The following CNOT6L variants were observed in gnomAD, a reference collection of about 807,000 sequenced individuals.
CNOT6L encodes the protein CCR4-NOT transcription complex subunit 6 like.
A neutral mutation model predicts 64.0 loss-of-function variants in CNOT6L; 7 were observed. The observed-to-expected ratio is 0.11, with a 90% CI of 0.06 to 0.21. CNOT6L has a LOEUF of 0.21. CNOT6L is among the 10% of genes least tolerant of loss of function. The pLI is 1.00. For synonymous variants in CNOT6L, 193 were observed against 243.4 expected (o/e 0.79, Z 1.93); for missense variants, 245 against 669.0 (o/e 0.37, Z 6.99).
At position 77,804,836 on chromosome 4, in the gene CNOT6L, G is replaced by GA. The variant is rs919869406; in HGVS notation, c.5+14467dup. The stretch of plus-strand genomic sequence containing the variant: ...TTAATGAAAAAAGATGTTTTCAAAT[G>GA]AAAAAAAAGCAAATTTTTAAAAAAG... On this transcript the variant is annotated intron_variant, in intron 1 of 11. Coordinates refer to ENST00000504123, the MANE Select transcript of CNOT6L (RefSeq NM_144571.3). 4.6e-3 allele frequency among the ~76,000 whole-genome samples: 697 copies of GA among 151,646 alleles called. 9 individuals carry two copies. Among genetic ancestry groups the GA allele is most frequent in the Admixed American group, 4.1e-3 (63 of 15,204 alleles).
At chr4:77,812,989 A>T (rs779227654) in intron 1 of CNOT6L, among the ~76,000 whole-genome samples, 1 of 152,256 alleles carries the variant, frequency 6.6e-6, no homozygotes, top group Non-Finnish European at 1.5e-5. Context: ...TACTAGTATA[A>T]GGATAAACAT....
chr4:77,766,365 C>T (rs1210498500), intron 4 of CNOT6L, among the ~76,000 whole-genome samples: 1 of 152,020 alleles, frequency 6.6e-6, no homozygotes, highest in Non-Finnish European at 1.5e-5. Flanking sequence ...ATCTAAAAAA[C>T]TTTTTTAACA....
chr4:77,807,755 G>A (rs1278725992), intron 1 of CNOT6L, among the ~76,000 whole-genome samples: 1 of 152,162 alleles, frequency 6.6e-6, no homozygotes, highest in African/African-American at 2.4e-5. Flanking sequence ...TAAGAAATTT[G>A]CATCTTATTT....
intron 1 of CNOT6L, 88 bp downstream of exon 1, chr4:77,819,216 A>G: frequency 1.2e-6 from 2 of 1,609,400 alleles, no homozygotes; most frequent in Admixed American, 1.7e-5. Context: ...CCACACGCAC[A>G]TTTGTCCCTC....
At chr4:77,764,862 C>T (rs927222997) in intron 4 of CNOT6L, among the ~76,000 whole-genome samples, 2 of 152,156 alleles carry the variant, frequency 1.3e-5, no homozygotes, top group Non-Finnish European at 2.9e-5. Flanking sequence ...TGTCCCTCTG[C>T]AACCCTTAGG....
chr4:77,757,695 C>T (rs183115945), intron 4 of CNOT6L, among the ~76,000 whole-genome samples: 1 of 152,178 alleles, frequency 6.6e-6, no homozygotes, highest in African/African-American at 2.4e-5. Context: ...AACACATACC[C>T]ACCAGCACAG....
intron 1 of CNOT6L, among the ~76,000 whole-genome samples, chr4:77,799,926 C>G (rs1731320750): frequency 6.6e-6 from 1 of 151,870 alleles, no homozygotes; most frequent in South Asian, 2.1e-4. Context: ...CATCTTTTTC[C>G]TTTTCCTACC....
chr4:77,811,182 A>G (rs543572991), intron 1 of CNOT6L, among the ~76,000 whole-genome samples: 8 of 152,332 alleles, frequency 5.3e-5, no homozygotes, highest in African/African-American at 1.4e-4. Flanking sequence ...TGCTCAAAAA[A>G]TCTTAATTAT....
intron 4 of CNOT6L, among the ~76,000 whole-genome samples, chr4:77,772,871 C>G (rs1286862588): frequency 1.3e-5 from 2 of 152,090 alleles, no homozygotes; most frequent in African/African-American, 4.8e-5. Flanking sequence ...TGCAGTGAGC[C>G]AAGATTGCGC....
chr4:77,766,174 A>T (rs1726791554), intron 4 of CNOT6L, among the ~76,000 whole-genome samples: 1 of 152,194 alleles, frequency 6.6e-6, no homozygotes, highest in African/African-American at 2.4e-5. Context: ...TCAGCAATGC[A>T]AATTTGTTTA....
In CNOT6L at chr4:77,719,149, T is replaced by A. The variant is rs1156966768; in HGVS notation, c.*1282A>T. 1 of 152,634 alleles carries A rather than the reference T, an allele frequency of 6.6e-6. No homozygotes were observed. Among genetic ancestry groups the A allele is most frequent in the Non-Finnish European group, 1.5e-5 (1 of 68,036 alleles). 9.5% of individuals were successfully genotyped at this position (152,634 alleles called of 1,614,324 possible). On this transcript the variant is annotated 3_prime_UTR_variant, in exon 12 of 12. Coordinates refer to ENST00000504123, the MANE Select transcript of CNOT6L (RefSeq NM_144571.3). ...ACCAATTTTTCCCCAGAAAACAGTA[T>A]TCTGTTCACTGCCTCTTGAGTCACA...
At chr4:77,806,471 A>G (rs1732234787) in intron 1 of CNOT6L, among the ~76,000 whole-genome samples, 1 of 152,146 alleles carries the variant, frequency 6.6e-6, no homozygotes, top group Non-Finnish European at 1.5e-5. Context: ...ACCTGTTCAA[A>G]ATCATTCCAT....
rs573433292 is a variant in CNOT6L at position 77,812,227 on chromosome 4, G to A, written c.5+7077C>T. ...TGGGAGGCTGAGGCAGGTGGATCAC[G>A]AGGTCGGCAAGACCAGCCTGGCCAA... On this transcript the variant is annotated intron_variant, in intron 1 of 11. Transcript: ENST00000504123. Among the ~76,000 whole-genome samples the A allele has an allele frequency of 1.2e-4, 18 of 151,930 alleles. No individual in the cohort carries two copies. In the South Asian group the frequency reaches 2.9e-3, roughly 25 times the overall value.
chr4:77,814,751 C>A (rs1733367222), intron 1 of CNOT6L, among the ~76,000 whole-genome samples: 1 of 152,096 alleles, frequency 6.6e-6, no homozygotes. Flanking sequence ...GATCCCTAAC[C>A]AAACTCTTAG....
chr4:77,800,719 T>C (rs1056163240), intron 1 of CNOT6L, among the ~76,000 whole-genome samples: 4 of 152,280 alleles, frequency 2.6e-5, no homozygotes. Context: ...GTATAAGCCA[T>C]ATCTGAAATC....
intron 1 of CNOT6L, among the ~76,000 whole-genome samples, chr4:77,791,015 T>C (rs989043709): frequency 6.6e-6 from 1 of 151,826 alleles, no homozygotes; most frequent in Non-Finnish European, 1.5e-5. Context: ...CGGTGGCTCA[T>C]ACCTGTAATC....
rs1439090263 is a variant in CNOT6L at position 77,744,866 on chromosome 4, G to A, written c.569C>T (p.Thr190Met). 3.8e-6 allele frequency: 6 copies of A among 1,595,410 alleles called. No homozygotes were observed. Among genetic ancestry groups the A allele is most frequent in the East Asian group, 2.2e-5 (1 of 44,564 alleles). Residue 190 changes from threonine (T) to methionine (M), a missense_variant, in exon 7 of 12, where the codon ACG becomes ATG. Physicochemically the swap from Thr to Met is moderately conservative, Grantham distance 81. This residue lies in a region of CNOT6L where 94 missense variants were observed against 290.9 expected (regional missense o/e 0.32). Transcript: ENST00000504123. ...RDQILPSASF[T>M]VMCYNVLCDK... Reference sequence around the variant, plus strand: ...ACATAACACATTGTAACACATAACCGTGAATGATGCTAAGAAGTGGGAGAA... The same window carrying A: ...ACATAACACATTGTAACACATAACCATGAATGATGCTAAGAAGTGGGAGAA...
At chr4:77,798,346 C>A (rs1434076499) in intron 1 of CNOT6L, among the ~76,000 whole-genome samples, 1 of 151,934 alleles carries the variant, frequency 6.6e-6, no homozygotes, top group Non-Finnish European at 1.5e-5. Flanking sequence ...AAGAAAATAA[C>A]CCACACACTG....
At chr4:77,750,762 A>G (rs935643151) in intron 5 of CNOT6L, among the ~76,000 whole-genome samples, 2 of 152,208 alleles carry the variant, frequency 1.3e-5, no homozygotes, top group African/African-American at 4.8e-5. Context: ...TACAATAAAT[A>G]AATATATTGG....
Sources: allele counts gnomAD v4.1 joint callset (sites outside exome capture counted in the v4.1 genomes callset), GRCh38; gene constraint gnomAD v4.1.1; regional missense constraint gnomAD v4.1.1; transcripts MANE v1.5; gene names NCBI Gene and HGNC (gene_info 2026-07-23, HGNC 2026-07-21).